Variants in PRKN observed in about 807,000 individuals in gnomAD.
PRKN encodes the protein parkin RBR E3 ubiquitin protein ligase.
In PRKN, 56 loss-of-function variants were observed where a neutral mutation model predicts 59.5. That is an observed-to-expected ratio of 0.94 (90% CI 0.76 to 1.18). The LOEUF (loss-of-function observed/expected upper bound fraction) is 1.18, where lower values mean the gene tolerates loss of function less well. PRKN is among the 50% of genes most tolerant of loss of function. The pLI, the probability that PRKN is intolerant of heterozygous loss-of-function variation, is 0.00. For missense variants in PRKN, 657 were observed against 596.4 expected, an observed-to-expected ratio of 1.10 and a Z score of -1.06; for synonymous variants, 250 against 222.1, an observed-to-expected ratio of 1.13 and a Z score of -1.12.
chr6:161,856,308 C>T (rs751305101), intron 6 of PRKN, among the ~76,000 whole-genome samples: 2 of 151,652 alleles, frequency 1.3e-5, no homozygotes, highest in African/African-American at 2.4e-5. Flanking sequence ...TGCAGCGAGC[C>T]GAGATTGCGC....
chr6:162,226,146 T>C (rs1261620835), intron 3 of PRKN, among the ~76,000 whole-genome samples: 1 of 148,930 alleles, frequency 6.7e-6, no homozygotes, highest in Non-Finnish European at 1.5e-5. Flanking sequence ...GGAGAAAGAG[T>C]CAGTGCTTAC....
intron 4 of PRKN, among the ~76,000 whole-genome samples, chr6:162,078,947 T>A (rs1285857016): frequency 6.6e-6 from 1 of 152,152 alleles, no homozygotes; most frequent in Non-Finnish European, 1.5e-5. Flanking sequence ...CTTTACAGTC[T>A]GTCTTCACAC....
chr6:162,005,806 G>A (rs1437196573), intron 5 of PRKN, among the ~76,000 whole-genome samples: 2 of 152,054 alleles, frequency 1.3e-5, no homozygotes, highest in African/African-American at 4.8e-5. Flanking sequence ...TAGAAAACCG[G>A]TGCTAGATGT....
At position 161,463,449 on chromosome 6, in the gene PRKN, C is replaced by A; in HGVS notation, c.1084-76572G>T. Among the ~76,000 whole-genome samples the A allele has an allele frequency of 6.6e-6, 1 of 152,188 alleles. No homozygotes were observed. Among genetic ancestry groups the A allele is most frequent in the East Asian group, 1.9e-4 (1 of 5,200 alleles). On this transcript the variant is annotated intron_variant, in intron 9 of 11. Transcript: ENST00000366898. This position sits in a 1 kb window ranked among gnomAD's most constrained non-coding sequence, Gnocchi z 4.8. ...AAATTGGCCATATCATCCTGCCCCT[C>A]CTTGATTTTGGACAGGATGCATTTG...
chr6:162,005,640 C>T (rs975731089), intron 5 of PRKN, among the ~76,000 whole-genome samples: 1 of 152,064 alleles, frequency 6.6e-6, no homozygotes, highest in African/African-American at 2.4e-5. Flanking sequence ...CCGAGAATGC[C>T]TCGGGCTAGA....
chr6:162,113,013 C>G (rs930712319), intron 4 of PRKN, among the ~76,000 whole-genome samples: 1 of 152,278 alleles, frequency 6.6e-6, no homozygotes, highest in South Asian at 2.1e-4. Flanking sequence ...CAATGCAATA[C>G]TTTCATTTTC....
At chr6:162,223,648 CACACACACACACA>C (rs796391289) in intron 3 of PRKN, among the ~76,000 whole-genome samples, 4,118 of 108,130 alleles carry the variant, frequency 0.038, 192 homozygotes, top group African/African-American at 0.17. Context: ...CACACACACA[CACACACACACACA>C]AACATAATGC....
chr6:161,395,842 G>A lies in PRKN; in HGVS notation c.1084-8965C>T, dbSNP rs369272432. On this transcript the variant is annotated intron_variant, in intron 9 of 11. Coordinates refer to ENST00000366898, the MANE Select transcript of PRKN (RefSeq NM_004562.3). The surrounding 1 kb of genome is among the most constrained non-coding windows in gnomAD (Gnocchi z 5.0). ...CAGCTCAACACACATGGAGCTGGTCGTCTCATTCTGATGGGCCTGAATCTG... is the reference window on the plus strand; with the variant it reads ...CAGCTCAACACACATGGAGCTGGTCATCTCATTCTGATGGGCCTGAATCTG... Among the ~76,000 whole-genome samples the A allele has an allele frequency of 4.7e-4, 71 of 152,304 alleles. 1 individual carries two copies. The highest frequency in any genetic ancestry group is 1.4e-3 in the African/African-American group (57 of 41,544).
At chr6:162,594,173 C>A (rs1372936407) in intron 1 of PRKN, among the ~76,000 whole-genome samples, 1 of 151,936 alleles carries the variant, frequency 6.6e-6, no homozygotes, top group Non-Finnish European at 1.5e-5. Flanking sequence ...AAAAACTACC[C>A]CTTTGGAAGA....
chr6:162,093,098 T>C lies in PRKN; in HGVS notation c.535-38924A>G, dbSNP rs138235828. Among the ~76,000 whole-genome samples, 184 of 152,294 alleles carry C rather than the reference T, an allele frequency of 1.2e-3. 2 individuals are homozygous for C. The East Asian group carries it at 0.03, about 25-fold the overall frequency. On this transcript the variant is annotated intron_variant, in intron 4 of 11. Coordinates refer to ENST00000366898, the MANE Select transcript of PRKN (RefSeq NM_004562.3). ...TCTAATTCCAGCCAGACTTAAACTC[T>C]TATCTTTGGATGCCAGGCCTACAGA... is the stretch of plus-strand genomic sequence containing the variant.
rs71004042 is a variant in PRKN at position 161,352,772 on chromosome 6, T to TATATATA, written c.1286-2562_1286-2561insTATATAT. 7.0e-5 allele frequency among the ~76,000 whole-genome samples: 7 copies of TATATATA among 100,390 alleles called. No individual in the cohort carries two copies. The highest frequency in any genetic ancestry group is 2.8e-4 in the African/African-American group (7 of 24,980). 65.9% of individuals were successfully genotyped at this position (100,390 alleles called of 152,430 possible). ...GTGTGTGTGTATATATATATATATA[T>TATATATA]TTTATTTTATTTTATTTTATTTTTT... On this transcript the variant is annotated intron_variant, in intron 11 of 11. Coordinates refer to ENST00000366898, the MANE Select transcript of PRKN (RefSeq NM_004562.3). This position sits in a 1 kb window ranked among gnomAD's most constrained non-coding sequence, Gnocchi z 5.8.
chr6:162,532,650 A>G (rs1329038805), intron 1 of PRKN, among the ~76,000 whole-genome samples: 1 of 152,182 alleles, frequency 6.6e-6, no homozygotes, highest in African/African-American at 2.4e-5. Flanking sequence ...AGAAATGTAA[A>G]CCACTTGTGA....
intron 1 of PRKN, among the ~76,000 whole-genome samples, chr6:162,658,700 A>G (rs983607349): frequency 6.6e-6 from 1 of 151,404 alleles, no homozygotes; most frequent in African/African-American, 2.4e-5. Flanking sequence ...AAGAAAAAGA[A>G]AAAGAAAACA....
chr6:161,528,825 A>G (rs756394803), intron 9 of PRKN, among the ~76,000 whole-genome samples: 3 of 152,276 alleles, frequency 2.0e-5, no homozygotes, highest in Non-Finnish European at 2.9e-5. Context: ...GGTGAAGTCC[A>G]ATGAGAATCT....
At chr6:162,173,481 C>A (rs1475966799) in intron 4 of PRKN, among the ~76,000 whole-genome samples, 2 of 151,582 alleles carry the variant, frequency 1.3e-5, no homozygotes, top group African/African-American at 2.4e-5. Flanking sequence ...CACTTGTGAG[C>A]AGCCACATGT....
intron 1 of PRKN, among the ~76,000 whole-genome samples, chr6:162,607,007 C>A (rs749380813): frequency 7.9e-5 from 12 of 152,118 alleles, no homozygotes; most frequent in Admixed American, 2.0e-4. Flanking sequence ...GCCATGGTGC[C>A]CAGCCCGGTT....
At chr6:162,645,362 T>G (rs1362959850) in intron 1 of PRKN, among the ~76,000 whole-genome samples, 2 of 152,294 alleles carry the variant, frequency 1.3e-5, no homozygotes, top group East Asian at 3.9e-4. Flanking sequence ...CACCAGCTGA[T>G]TTTTGTGCAT....
At chr6:162,626,188 G>C (rs1281692551) in intron 1 of PRKN, among the ~76,000 whole-genome samples, 1 of 152,160 alleles carries the variant, frequency 6.6e-6, no homozygotes, top group Non-Finnish European at 1.5e-5. Context: ...TCTGGTTTTT[G>C]CATGCTGGAT....
At chr6:162,426,269 T>C (rs1039686515) in intron 2 of PRKN, among the ~76,000 whole-genome samples, 3 of 152,110 alleles carry the variant, frequency 2.0e-5, no homozygotes, top group Non-Finnish European at 4.4e-5. Flanking sequence ...CGGTTCAAAA[T>C]AGATCCAGGT....
Sources: gnomAD v4.1 joint callset for allele counts (sites outside exome capture counted in the v4.1 genomes callset) on GRCh38, gnomAD v4.1.1 for gene constraint, Gnocchi (gnomAD v3.1) non-coding constraint, MANE v1.5 for transcripts, NCBI Gene and HGNC (gene_info 2026-07-23, HGNC 2026-07-21) for gene names.